The following NAALADL2 variants were observed in gnomAD, a reference collection of about 807,000 sequenced individuals.
NAALADL2 encodes the protein N-acetylated alpha-linked acidic dipeptidase like 2, also known as inactive N-acetylated-alpha-linked acidic dipeptidase-like protein 2.
A neutral mutation model predicts 87.2 loss-of-function variants in NAALADL2; 76 were observed. The observed-to-expected ratio is 0.87, with a 90% CI of 0.72 to 1.05. The LOEUF is 1.05. Ranked by LOEUF, NAALADL2 falls within the 50% of genes least tolerant of loss-of-function variation. The probability of loss-of-function intolerance (pLI) is 0.00; values close to 1 mark genes in which losing one functional copy is unlikely to be tolerated. For missense variants in NAALADL2, 1,089 were observed against 945.8 expected (o/e 1.15, Z -1.99); for synonymous variants, 354 against 331.0 (o/e 1.07, Z -0.75).
chr3:174,661,523 C>T (rs141991320), intron 2 of NAALADL2, among the ~76,000 whole-genome samples: 1,661 of 152,070 alleles, frequency 0.011, 18 homozygotes, highest in Non-Finnish European at 0.014. Flanking sequence ...TGTATAGTTC[C>T]TGCAAATGAC....
intron 11 of NAALADL2, among the ~76,000 whole-genome samples, chr3:175,684,315 A>G (rs1735986728): frequency 6.6e-6 from 1 of 152,162 alleles, no homozygotes; most frequent in Non-Finnish European, 1.5e-5. Flanking sequence ...ATCAAAGCCT[A>G]TAGTTAAGCT....
At chr3:174,708,345 G>A (rs895648989) in intron 2 of NAALADL2, among the ~76,000 whole-genome samples, 17 of 152,118 alleles carry the variant, frequency 1.1e-4, no homozygotes, top group African/African-American at 4.1e-4. Context: ...TACATACATA[G>A]TTTACTGCTT....
chr3:174,518,994 T>A (rs1720099202), intron 1 of NAALADL2, among the ~76,000 whole-genome samples: 1 of 152,188 alleles, frequency 6.6e-6, no homozygotes, highest in South Asian at 2.1e-4. Context: ...TAAAAATTTG[T>A]TAGAATATCT....
chr3:175,188,358 C>T (rs915356165), intron 2 of NAALADL2, among the ~76,000 whole-genome samples: 7 of 152,134 alleles, frequency 4.6e-5, no homozygotes, highest in Non-Finnish European at 7.4e-5. Flanking sequence ...ATATTGCTCC[C>T]TACACCTGAG....
At chr3:174,569,457 C>A (rs990715780) in intron 2 of NAALADL2, among the ~76,000 whole-genome samples, 1 of 152,026 alleles carries the variant, frequency 6.6e-6, no homozygotes, top group Non-Finnish European at 1.5e-5. Context: ...TACATATTTA[C>A]AACAGCTGTT....
At chr3:174,816,696 T>A (rs893175182) in intron 3 of NAALADL2, among the ~76,000 whole-genome samples, 3 of 152,052 alleles carry the variant, frequency 2.0e-5, no homozygotes, top group African/African-American at 7.2e-5. Flanking sequence ...CTAATCCAGG[T>A]ATATTGGATT....
intron 1 of NAALADL2, among the ~76,000 whole-genome samples, chr3:174,932,581 T>G (rs1390911528): frequency 6.6e-6 from 1 of 152,136 alleles, no homozygotes; most frequent in Non-Finnish European, 1.5e-5. Flanking sequence ...GGTGAATTGC[T>G]GGGCTTTCCT....
intron 10 of NAALADL2, among the ~76,000 whole-genome samples, chr3:175,608,023 G>T (rs1158468120): frequency 1.3e-5 from 2 of 151,418 alleles, no homozygotes; most frequent in East Asian, 4.0e-4. Flanking sequence ...TTTGCCCGAG[G>T]TCACTATGTC....
chr3:174,529,853 TG>T (rs995694920), intron 1 of NAALADL2, among the ~76,000 whole-genome samples: 2 of 152,188 alleles, frequency 1.3e-5, no homozygotes, highest in African/African-American at 2.4e-5. Context: ...ACAGAGACCC[TG>T]GGCCCGGCTC....
intron 2 of NAALADL2, among the ~76,000 whole-genome samples, chr3:174,656,319 A>T (rs1724921269): frequency 6.6e-6 from 1 of 152,186 alleles, no homozygotes; most frequent in Non-Finnish European, 1.5e-5. Context: ...GAAATTTCCA[A>T]ATTTCCCAAA....
At chr3:174,452,531 T>C (rs7645708) in intron 1 of NAALADL2, among the ~76,000 whole-genome samples, 67,799 of 151,168 alleles carry the variant, frequency 0.45, 16,427 homozygotes, top group East Asian at 0.91. Context: ...GTATAGTGAC[T>C]GGTGGTCTGA....
At chr3:175,558,279 A>AT (rs1004589042) in intron 9 of NAALADL2, among the ~76,000 whole-genome samples, 14 of 150,410 alleles carry the variant, frequency 9.3e-5, no homozygotes, top group South Asian at 2.1e-4. Context: ...AGGTTATTAG[A>AT]TTTTTTTTCC....
intron 11 of NAALADL2, among the ~76,000 whole-genome samples, chr3:175,690,177 G>C (rs994555596): frequency 6.6e-6 from 1 of 151,926 alleles, no homozygotes; most frequent in Non-Finnish European, 1.5e-5. Flanking sequence ...TATGACTTGT[G>C]GGCCGTTCAT....
intron 1 of NAALADL2, among the ~76,000 whole-genome samples, chr3:174,517,545 A>T (rs1720006482): frequency 1.3e-5 from 2 of 152,040 alleles, no homozygotes; most frequent in African/African-American, 4.8e-5. Context: ...GAAAATCTAG[A>T]TGAGGTAGTT....
At chr3:175,695,009 G>A (rs1447863741) in intron 11 of NAALADL2, among the ~76,000 whole-genome samples, 1 of 151,234 alleles carries the variant, frequency 6.6e-6, no homozygotes, top group Non-Finnish European at 1.5e-5. Flanking sequence ...TAGACTTTCT[G>A]TGCCTTGCAT....
intron 2 of NAALADL2, among the ~76,000 whole-genome samples, chr3:175,174,769 A>ATGTGTG (rs140644156): frequency 7.0e-5 from 10 of 143,312 alleles, no homozygotes; most frequent in African/African-American, 2.0e-4. Context: ...TATGCTATTC[A>ATGTGTG]TGTGTGTGTG....
intron 2 of NAALADL2, among the ~76,000 whole-genome samples, chr3:174,678,294 C>T (rs564179909): frequency 1.3e-5 from 2 of 152,196 alleles, no homozygotes; most frequent in South Asian, 2.1e-4. Flanking sequence ...GCTGATAATG[C>T]AAGTTTATGG....
intron 4 of NAALADL2, among the ~76,000 whole-genome samples, chr3:175,288,460 C>T (rs1308141155): frequency 6.6e-6 from 1 of 152,140 alleles, no homozygotes; most frequent in Non-Finnish European, 1.5e-5. Context: ...ACAAAGTATC[C>T]ATCATAACAC....
chr3:174,757,827 C>T (rs1302648314), intron 3 of NAALADL2, among the ~76,000 whole-genome samples: 2 of 152,038 alleles, frequency 1.3e-5, no homozygotes, highest in Admixed American at 6.6e-5. Flanking sequence ...CTAGTGATAG[C>T]CAGACATCTA....
Sources: gnomAD v4.1 joint callset for allele counts (sites outside exome capture counted in the v4.1 genomes callset) on GRCh38, gnomAD v4.1.1 for gene constraint, MANE v1.5 for transcripts, NCBI Gene and HGNC (gene_info 2026-07-23, HGNC 2026-07-21) for gene names.